MSRA: variants seen among roughly 807,000 people sequenced by gnomAD.
MSRA encodes mitochondrial peptide methionine sulfoxide reductase.
A neutral mutation model predicts 31.3 loss-of-function variants in MSRA; 54 were observed. That is an observed-to-expected ratio of 1.73 (90% CI 1.39 to 2.17). The LOEUF (loss-of-function observed/expected upper bound fraction) is 2.17. Ranked by LOEUF, MSRA falls within the 30% of genes most tolerant of loss-of-function variation. MSRA has a pLI of 0.00. For missense variants in MSRA, 507 were observed against 300.9 expected, an observed-to-expected ratio of 1.69 and a Z score of -5.07; for synonymous variants, 169 against 116.5, an observed-to-expected ratio of 1.45 and a Z score of -2.90.
intron 3 of MSRA, among the ~76,000 whole-genome samples, chr8:10,271,351 G>A (rs573253846): frequency 6.6e-6 from 1 of 152,258 alleles, no homozygotes; most frequent in African/African-American, 2.4e-5. Context: ...AAATATATGA[G>A]TGTGTTTTTT....
At chr8:10,320,215 TC>T (rs1247673017) in intron 5 of MSRA, 2 of 340,520 alleles carry the variant, frequency 5.9e-6, no homozygotes, top group Non-Finnish European at 1.1e-5. Flanking sequence ...ATGCCTGTAA[TC>T]CCAGTACTTT....
intron 5 of MSRA, among the ~76,000 whole-genome samples, chr8:10,405,220 C>G (rs956513062): frequency 2.6e-5 from 4 of 152,154 alleles, no homozygotes; most frequent in African/African-American, 9.7e-5. Flanking sequence ...AGTGCCTCTC[C>G]CCTCTGTCAA....
chr8:10,258,014 C>A (rs769021970), intron 3 of MSRA, among the ~76,000 whole-genome samples: 1 of 152,122 alleles, frequency 6.6e-6, no homozygotes, highest in Admixed American at 6.5e-5. Context: ...AGGTTTTAGT[C>A]GTTTCCAAGT....
intron 1 of MSRA, among the ~76,000 whole-genome samples, chr8:10,089,834 C>T (rs764847630): frequency 1.6e-4 from 24 of 152,306 alleles, no homozygotes; most frequent in Non-Finnish European, 3.1e-4. Context: ...CGAATCTATT[C>T]CTTTAGAAAC....
chr8:10,249,307 G>T (rs1010179439), intron 3 of MSRA, among the ~76,000 whole-genome samples: 6 of 152,082 alleles, frequency 3.9e-5, no homozygotes, highest in African/African-American at 1.4e-4. Context: ...TCAGTCTATT[G>T]TGAGTTTAGT....
At chr8:10,413,465 A>G (rs1056145320) in intron 5 of MSRA, among the ~76,000 whole-genome samples, 1 of 152,236 alleles carries the variant, frequency 6.6e-6, no homozygotes, top group Non-Finnish European at 1.5e-5. Context: ...CAGAGTTGCC[A>G]CATTATTTTT....
intron 1 of MSRA, among the ~76,000 whole-genome samples, chr8:10,163,523 G>A (rs1350685407): frequency 2.0e-5 from 3 of 152,194 alleles, no homozygotes. Flanking sequence ...ACCTTGGGAG[G>A]GCATCACACC....
At chr8:10,111,097 T>G (rs1800245152) in intron 1 of MSRA, among the ~76,000 whole-genome samples, 1 of 152,162 alleles carries the variant, frequency 6.6e-6, no homozygotes, top group Non-Finnish European at 1.5e-5. Flanking sequence ...AGCATCTTAG[T>G]CTCCCAGTAG....
chr8:10,082,794 C>T (rs942440897), intron 1 of MSRA, among the ~76,000 whole-genome samples: 3 of 152,170 alleles, frequency 2.0e-5, no homozygotes, highest in African/African-American at 7.2e-5. Context: ...ACCCGCTCCT[C>T]GTGTGAAGGG....
intron 4 of MSRA, among the ~76,000 whole-genome samples, chr8:10,318,241 T>A (rs139358076): frequency 6.6e-6 from 1 of 152,240 alleles, no homozygotes; most frequent in Non-Finnish European, 1.5e-5. Flanking sequence ...GGTCACTGAA[T>A]GTCTCTGATC....
chr8:10,288,845 A>C (rs1800076662), intron 3 of MSRA, among the ~76,000 whole-genome samples: 1 of 152,188 alleles, frequency 6.6e-6, no homozygotes, highest in East Asian at 1.9e-4. Flanking sequence ...CTTAAAAAGC[A>C]ACTATAATGT....
At chr8:10,197,796 A>G (rs1471948277) in intron 1 of MSRA, among the ~76,000 whole-genome samples, 1 of 152,162 alleles carries the variant, frequency 6.6e-6, no homozygotes, top group Non-Finnish European at 1.5e-5. Context: ...AAGACCAGTA[A>G]TACAGCTGGT....
chr8:10,329,934 A>C (rs1313622874), intron 5 of MSRA, among the ~76,000 whole-genome samples: 7 of 151,948 alleles, frequency 4.6e-5, no homozygotes, highest in Non-Finnish European at 5.9e-5. Context: ...TCTGAAATAA[A>C]GTGGCATACC....
At chr8:10,292,044 T>G (rs1334004617) in intron 3 of MSRA, among the ~76,000 whole-genome samples, 1 of 152,230 alleles carries the variant, frequency 6.6e-6, no homozygotes, top group Non-Finnish European at 1.5e-5. Flanking sequence ...AAAATGGTGC[T>G]GGCCCATACA....
At chr8:10,324,091 A>T (rs146011880) in intron 5 of MSRA, among the ~76,000 whole-genome samples, 1 of 151,826 alleles carries the variant, frequency 6.6e-6, no homozygotes. Flanking sequence ...TTTCAGCACC[A>T]CTCGCCTTTC....
At chr8:10,211,227 A>G (rs915836090) in intron 2 of MSRA, among the ~76,000 whole-genome samples, 5 of 152,202 alleles carry the variant, frequency 3.3e-5, no homozygotes, top group Non-Finnish European at 7.3e-5. Flanking sequence ...TGAAAAATGC[A>G]TGAATGGTCA....
At chr8:10,420,713 G>T (rs982027696) in intron 5 of MSRA, among the ~76,000 whole-genome samples, 6 of 152,086 alleles carry the variant, frequency 3.9e-5, no homozygotes, top group African/African-American at 1.4e-4. Flanking sequence ...GCCTATGTTA[G>T]TATCACATAT....
intron 3 of MSRA, among the ~76,000 whole-genome samples, chr8:10,280,833 G>A (rs115908457): frequency 1.1e-4 from 16 of 152,314 alleles, no homozygotes; most frequent in Admixed American, 2.6e-4. Flanking sequence ...GTACAACAGC[G>A]TGAACTACTA....
intron 1 of MSRA, among the ~76,000 whole-genome samples, chr8:10,084,146 G>A (rs1261040239): frequency 6.6e-6 from 1 of 152,252 alleles, no homozygotes; most frequent in Non-Finnish European, 1.5e-5. Context: ...GCTGGTTATG[G>A]AGTACTCTCC....
Sources: allele counts gnomAD v4.1 joint callset (sites outside exome capture counted in the v4.1 genomes callset), GRCh38; gene constraint gnomAD v4.1.1; transcripts MANE v1.5; gene names NCBI Gene and HGNC (gene_info 2026-07-23, HGNC 2026-07-21).